Variants in CACNG2 observed in about 807,000 individuals in gnomAD.
The protein encoded by CACNG2 is voltage-dependent calcium channel gamma-2 subunit.
Under a neutral mutation model 25.9 loss-of-function variants are expected in CACNG2, and 3 were observed. That is an observed-to-expected ratio of 0.12 (90% CI 0.05 to 0.30). The LOEUF is 0.30. Among genes scored for constraint, CACNG2 ranks in the 10% least tolerant of loss-of-function variants. The probability of loss-of-function intolerance (pLI) is 1.00; values close to 1 mark genes in which losing one functional copy is unlikely to be tolerated. For missense variants in CACNG2, 341 were observed against 432.5 expected, an observed-to-expected ratio of 0.79 and a Z score of 1.88; for synonymous variants, 167 against 173.3, an observed-to-expected ratio of 0.96 and a Z score of 0.29.
intron 1 of CACNG2, among the ~76,000 whole-genome samples, chr22:36,624,042 C>T (rs1470883561): frequency 2.6e-5 from 4 of 152,184 alleles, no homozygotes; most frequent in Non-Finnish European, 5.9e-5. Flanking sequence ...CTCACCTCAT[C>T]TCATTAATAT....
chr22:36,659,377 A>G (rs1489243452), intron 1 of CACNG2, among the ~76,000 whole-genome samples: 1 of 151,968 alleles, frequency 6.6e-6, no homozygotes, highest in Non-Finnish European at 1.5e-5. Flanking sequence ...ACGGGAAAGG[A>G]GAGGAAGGAG....
chr22:36,668,646 T>A (rs1480175691), intron 1 of CACNG2, among the ~76,000 whole-genome samples: 1 of 151,964 alleles, frequency 6.6e-6, no homozygotes, highest in Non-Finnish European at 1.5e-5. Flanking sequence ...ACACCACCCC[T>A]CCTGGCTAAT....
chr22:36,586,213 G>T (rs908065707), intron 2 of CACNG2, among the ~76,000 whole-genome samples: 1 of 152,200 alleles, frequency 6.6e-6, no homozygotes, highest in East Asian at 1.9e-4. Flanking sequence ...TCCCCAGCAC[G>T]GAGCACAGGA....
intron 1 of CACNG2, among the ~76,000 whole-genome samples, chr22:36,669,917 T>C (rs1381868077): frequency 2.0e-5 from 3 of 152,160 alleles, no homozygotes; most frequent in African/African-American, 7.2e-5. Flanking sequence ...TTTGCCATGT[T>C]GGCCAGGCTG....
chr22:36,602,794 G>A (rs568618795), intron 1 of CACNG2, among the ~76,000 whole-genome samples: 96 of 152,256 alleles, frequency 6.3e-4, no homozygotes, highest in Admixed American at 7.9e-4. Context: ...ATAAGATGAC[G>A]AACTTAATTG....
In CACNG2 at chr22:36,564,226, G is replaced by GT. The variant is rs562507526; in HGVS notation, c.*124dup. ...GTGTTTTTTTGTTTTTTGTTTTTTT[G>GT]TTTTTTTTGTTTTTTGTTTTTGCTT... On this transcript the variant is annotated 3_prime_UTR_variant, in exon 4 of 4. Transcript: ENST00000300105. This position sits in a 1 kb window ranked among gnomAD's most constrained non-coding sequence, Gnocchi z 6.7. 2.4e-4 allele frequency: 184 copies of GT among 767,246 alleles called. No homozygotes were observed. Among genetic ancestry groups the GT allele is most frequent in the East Asian group, 8.3e-4 (28 of 33,616 alleles). 47.5% of individuals were successfully genotyped at this position (767,246 alleles called of 1,614,324 possible).
intron 1 of CACNG2, among the ~76,000 whole-genome samples, chr22:36,697,217 G>A (rs973357667): frequency 1.6e-4 from 25 of 152,142 alleles, no homozygotes; most frequent in Non-Finnish European, 2.2e-4. Flanking sequence ...CACAGTCGTC[G>A]TCACCCTGAA....
chr22:36,624,711 G>A (rs1248267790), intron 1 of CACNG2, among the ~76,000 whole-genome samples: 1 of 152,070 alleles, frequency 6.6e-6, no homozygotes, highest in African/African-American at 2.4e-5. Context: ...CTGTGACTCT[G>A]GGGTGAGAGA....
chr22:36,613,994 C>A (rs140878995), intron 1 of CACNG2, among the ~76,000 whole-genome samples: 1 of 152,254 alleles, frequency 6.6e-6, no homozygotes, highest in Non-Finnish European at 1.5e-5. Flanking sequence ...ACCCTCCAAC[C>A]CCCAAGTGGC....
At position 36,575,665 on chromosome 22, in the gene CACNG2, A is replaced by G. The variant is rs189247769; in HGVS notation, c.296-9172T>C. On this transcript the variant is annotated intron_variant, in intron 2 of 3. Coordinates refer to ENST00000300105, the MANE Select transcript of CACNG2 (RefSeq NM_006078.5). The stretch of plus-strand genomic sequence containing the variant: ...CTGCACTCTGATGAGGTTGGAGTAG[A>G]CGATCTCTAAGGCCCTGTCCCTCAA... 5.9e-5 allele frequency among the ~76,000 whole-genome samples: 9 copies of G among 152,238 alleles called. No individual in the cohort carries two copies. In the East Asian group the frequency reaches 1.4e-3, roughly 23 times the overall value.
chr22:36,639,600 A>G (rs1242284278), intron 1 of CACNG2, among the ~76,000 whole-genome samples: 1 of 152,020 alleles, frequency 6.6e-6, no homozygotes, highest in Non-Finnish European at 1.5e-5. Flanking sequence ...TCCCTGTGTC[A>G]TCTCTGTTTG....
intron 1 of CACNG2, among the ~76,000 whole-genome samples, chr22:36,649,798 C>T (rs912375689): frequency 1.3e-4 from 20 of 152,310 alleles, no homozygotes; most frequent in African/African-American, 4.6e-4. Context: ...CCCCTGCACA[C>T]GCTGTCTTGC....
intron 1 of CACNG2, among the ~76,000 whole-genome samples, chr22:36,631,583 A>T (rs8135364): frequency 6.6e-6 from 1 of 152,104 alleles, no homozygotes; most frequent in Non-Finnish European, 1.5e-5. Context: ...CTGAGAAAGT[A>T]TCTTCCTTGT....
chr22:36,636,349 G>A (rs550626757), intron 1 of CACNG2, among the ~76,000 whole-genome samples: 65 of 152,162 alleles, frequency 4.3e-4, no homozygotes, highest in African/African-American at 9.2e-4. Flanking sequence ...CATGCCATCC[G>A]TTTCTCATAG....
At position 36,692,646 on chromosome 22, in the gene CACNG2, G is replaced by A. The variant is rs562281037; in HGVS notation, c.211+9720C>T. Among the ~76,000 whole-genome samples, 285 of 152,234 alleles carry A rather than the reference G, an allele frequency of 1.9e-3. 3 individuals are homozygous for A. Among genetic ancestry groups the A allele is most frequent in the Admixed American group, 5.0e-3 (76 of 15,298 alleles). ...AAAAGCCCATCTCCTTCACTAGGTG[G>A]GCAACTCCCAGAGGCCAGGCCCCAT... On this transcript the variant is annotated intron_variant, in intron 1 of 3. Transcript: ENST00000300105.
intron 1 of CACNG2, among the ~76,000 whole-genome samples, chr22:36,659,378 G>A (rs938794763): frequency 1.1e-4 from 17 of 152,130 alleles, no homozygotes; most frequent in African/African-American, 3.6e-4. Flanking sequence ...CGGGAAAGGA[G>A]AGGAAGGAGT....
intron 1 of CACNG2, among the ~76,000 whole-genome samples, chr22:36,695,715 T>G (rs958496008): frequency 1.3e-5 from 2 of 152,140 alleles, no homozygotes; most frequent in Non-Finnish European, 2.9e-5. Flanking sequence ...TGAGCTCACG[T>G]CTCATGCATC....
Position 36,561,873 on chromosome 22 carries a change from G to A in CACNG2, c.*2478C>T, listed in dbSNP as rs529302907. The A allele has an allele frequency of 3.3e-5, 5 of 152,384 alleles. No homozygotes were observed. The East Asian group carries it at 9.6e-4, about 29-fold the overall frequency. The allele number at this position is 152,384 out of a possible 1,614,324, so 9.4% of individuals were successfully genotyped here. Reference sequence around the variant, plus strand: ...GGTGCAAGTTTAACTTTTGGGGTTGGTCCTTACACTGGGATGGAACTGCTA... The same window carrying A: ...GGTGCAAGTTTAACTTTTGGGGTTGATCCTTACACTGGGATGGAACTGCTA... On this transcript the variant is annotated 3_prime_UTR_variant, in exon 4 of 4. Coordinates refer to ENST00000300105, the MANE Select transcript of CACNG2 (RefSeq NM_006078.5).
At chr22:36,570,976 C>T (rs879403585) in intron 2 of CACNG2, among the ~76,000 whole-genome samples, 6 of 152,076 alleles carry the variant, frequency 3.9e-5, no homozygotes, top group South Asian at 2.1e-4. Flanking sequence ...TCACACTTGA[C>T]TTTGAATCCT....
Sources: allele counts gnomAD v4.1 joint callset (sites outside exome capture counted in the v4.1 genomes callset), GRCh38; gene constraint gnomAD v4.1.1; non-coding constraint Gnocchi (gnomAD v3.1); transcripts MANE v1.5; gene names NCBI Gene and HGNC (gene_info 2026-07-23, HGNC 2026-07-21).